Variants in NSMCE2 observed in about 807,000 individuals in gnomAD.
NSMCE2 encodes E3 SUMO-protein ligase NSE2.
NSMCE2 carries 24 observed loss-of-function variants against 23.8 expected under a neutral mutation model. The ratio of observed to expected loss-of-function variants is 1.01; its 90% confidence interval spans 0.73 to 1.42. The LOEUF is 1.42. Among genes scored for constraint, NSMCE2 ranks in the 40% most tolerant of loss-of-function variants. The pLI, the probability that NSMCE2 is intolerant of heterozygous loss-of-function variation, is 0.00. For missense variants in NSMCE2, 284 were observed against 296.5 expected (o/e 0.96, Z 0.31); for synonymous variants, 92 against 94.1 (o/e 0.98, Z 0.13).
chr8:125,270,590 A>T (rs928826812), intron 5 of NSMCE2: 1 of 152,262 alleles, frequency 6.6e-6, no homozygotes, highest in Non-Finnish European at 1.5e-5. Flanking sequence ...TGGGTAGGGT[A>T]AAAGATAGGC....
At chr8:125,279,355 C>T (rs1827606449) in intron 5 of NSMCE2, among the ~76,000 whole-genome samples, 1 of 152,156 alleles carries the variant, frequency 6.6e-6, no homozygotes, top group African/African-American at 2.4e-5. Context: ...AGAAAAGTAG[C>T]TTCCTTATGA....
chr8:125,243,941 C>A (rs1235692760), intron 5 of NSMCE2, among the ~76,000 whole-genome samples: 1 of 151,978 alleles, frequency 6.6e-6, no homozygotes, highest in East Asian at 1.9e-4. Flanking sequence ...TGTATAAATC[C>A]CCCAAAAAGC....
chr8:125,236,870 C>A (rs1460664805), intron 5 of NSMCE2, among the ~76,000 whole-genome samples: 4 of 151,352 alleles, frequency 2.6e-5, no homozygotes, highest in Non-Finnish European at 5.9e-5. Flanking sequence ...AGGAACAAGA[C>A]CTGTCACGTT....
In NSMCE2 at chr8:125,352,371, G is replaced by A. The variant is rs1813073450; in HGVS notation, c.419-4848G>A. 1.3e-5 allele frequency among the ~76,000 whole-genome samples: 2 copies of A among 151,882 alleles called. 1 individual carries two copies. The highest frequency in any genetic ancestry group is 4.8e-5 in the African/African-American group (2 of 41,402). On this transcript the variant is annotated intron_variant, in intron 5 of 7. Coordinates refer to ENST00000287437, the MANE Select transcript of NSMCE2 (RefSeq NM_173685.4). ...CATGCCTGTAATCCCAGCTACTCGG[G>A]AGGCTGAGGCAGGAGAATCGCTTGA...
intron 3 of NSMCE2, among the ~76,000 whole-genome samples, chr8:125,118,508 AACC>A: frequency 6.6e-6 from 1 of 152,272 alleles, no homozygotes; most frequent in Non-Finnish European, 1.5e-5. Flanking sequence ...ACACTTTGAG[AACC>A]CTTCTCTAGT....
intron 4 of NSMCE2, among the ~76,000 whole-genome samples, chr8:125,153,636 C>G (rs1169302946): frequency 6.6e-6 from 1 of 152,110 alleles, no homozygotes; most frequent in Non-Finnish European, 1.5e-5. Flanking sequence ...AGCCCTGGTT[C>G]TTCTACTTTC....
chr8:125,271,334 G>A (rs1827182724), intron 5 of NSMCE2, among the ~76,000 whole-genome samples: 1 of 151,768 alleles, frequency 6.6e-6, no homozygotes, highest in Admixed American at 6.6e-5. Flanking sequence ...TACTATCAAA[G>A]TGGACATAAA....
chr8:125,274,662 G>C (rs1052394804), intron 5 of NSMCE2, among the ~76,000 whole-genome samples: 1 of 152,160 alleles, frequency 6.6e-6, no homozygotes, highest in African/African-American at 2.4e-5. Flanking sequence ...AGGCACGGTG[G>C]CTCATGCTGG....
intron 5 of NSMCE2, among the ~76,000 whole-genome samples, chr8:125,350,066 C>G (rs1196737240): frequency 1.3e-5 from 2 of 152,192 alleles, no homozygotes; most frequent in Non-Finnish European, 2.9e-5. Context: ...GTTTATTGAA[C>G]ACCTACTACC....
chr8:125,125,782 T>C (rs1167997843), intron 3 of NSMCE2, among the ~76,000 whole-genome samples: 3 of 152,062 alleles, frequency 2.0e-5, no homozygotes, highest in Non-Finnish European at 4.4e-5. Flanking sequence ...GAGACAAAGG[T>C]CTTTATCACT....
chr8:125,328,679 G>A (rs1481923756), intron 5 of NSMCE2, among the ~76,000 whole-genome samples: 1 of 152,128 alleles, frequency 6.6e-6, no homozygotes, highest in Non-Finnish European at 1.5e-5. Context: ...TTTATTTCTG[G>A]CATGAATCAG....
At chr8:125,165,923 A>T (rs1171886196) in intron 4 of NSMCE2, among the ~76,000 whole-genome samples, 1 of 152,184 alleles carries the variant, frequency 6.6e-6, no homozygotes, top group Non-Finnish European at 1.5e-5. Context: ...AGTGCCAGAG[A>T]ATTTGATAGG....
rs1036701761 is a variant in NSMCE2, at chr8:125,102,168, T to G, written c.-15+22T>G. The G allele has an allele frequency of 6.7e-6, 4 of 596,700 alleles. No individual in the cohort carries two copies. In the African/African-American group the frequency reaches 7.4e-5, roughly 11 times the overall value. 37.0% of individuals were successfully genotyped at this position (596,700 alleles called of 1,614,324 possible). On this transcript the variant is annotated intron_variant, in intron 2 of 7. Coordinates refer to ENST00000287437, the MANE Select transcript of NSMCE2 (RefSeq NM_173685.4). The stretch of plus-strand genomic sequence containing the variant: ...CCAGGTGAGTGGCACAGTGATTTGG[T>G]GTCTTCTCTATAGGATATACAGAAT...
chr8:125,216,939 C>T (rs765562854), intron 5 of NSMCE2, among the ~76,000 whole-genome samples: 6 of 152,132 alleles, frequency 3.9e-5, no homozygotes, highest in Non-Finnish European at 8.8e-5. Context: ...ACACAGTTAG[C>T]GTACAGGTAA....
In NSMCE2 at chr8:125,247,248, AC is replaced by A. The variant is rs1826021000; in HGVS notation, c.418+64994del. 2.0e-5 allele frequency among the ~76,000 whole-genome samples: 3 copies of A among 151,842 alleles called. No individual in the cohort carries two copies. In the South Asian group the frequency reaches 6.2e-4, roughly 32 times the overall value. The stretch of plus-strand genomic sequence containing the variant: ...CTCAGGAGGCTAAGGTGGGAAGATT[AC>A]CTGAGCCCAGGAGGTCAAGGCTGCA... On this transcript the variant is annotated intron_variant, in intron 5 of 7. Coordinates refer to ENST00000287437, the MANE Select transcript of NSMCE2 (RefSeq NM_173685.4).
chr8:125,144,148 A>G (rs535134070), intron 3 of NSMCE2, among the ~76,000 whole-genome samples: 1 of 152,124 alleles, frequency 6.6e-6, no homozygotes, highest in South Asian at 2.1e-4. Flanking sequence ...GGTACCATGT[A>G]CTACCGGACC....
At chr8:125,205,702 G>C (rs1041082807) in intron 5 of NSMCE2, among the ~76,000 whole-genome samples, 1 of 152,108 alleles carries the variant, frequency 6.6e-6, no homozygotes, top group Admixed American at 6.5e-5. Flanking sequence ...TAATCACCTC[G>C]GCTGGAGGCT....
chr8:125,321,261 T>C (rs1180444249), intron 5 of NSMCE2, among the ~76,000 whole-genome samples: 1 of 152,090 alleles, frequency 6.6e-6, no homozygotes, highest in Non-Finnish European at 1.5e-5. Context: ...ACACACAGGA[T>C]TTTTTTTCTT....
intron 5 of NSMCE2, among the ~76,000 whole-genome samples, chr8:125,278,455 C>G (rs1490943246): frequency 2.0e-5 from 3 of 152,202 alleles, no homozygotes; most frequent in African/African-American, 7.2e-5. Context: ...CAAGCCATTG[C>G]CAGGTGCTGC....
Sources: gnomAD v4.1 joint callset for allele counts (sites outside exome capture counted in the v4.1 genomes callset) on GRCh38, gnomAD v4.1.1 for gene constraint, MANE v1.5 for transcripts, NCBI Gene and HGNC (gene_info 2026-07-23, HGNC 2026-07-21) for gene names.